The following SAMMSON variants were observed in gnomAD, a reference collection of about 807,000 sequenced individuals.
SAMMSON encodes the protein long intergenic non-protein coding RNA 1212.
intron 3 of SAMMSON, among the ~76,000 whole-genome samples, chr3:70,061,188 A>C (rs1250489722): frequency 6.6e-6 from 1 of 151,998 alleles, no homozygotes. Context: ...GATTTGGGGG[A>C]GAAAAATGAA....
intron 4 of SAMMSON, among the ~76,000 whole-genome samples, chr3:70,237,460 C>T (rs193045966): frequency 2.0e-5 from 3 of 152,308 alleles, no homozygotes; most frequent in East Asian, 1.9e-4. Flanking sequence ...TTCAGTGAAA[C>T]GTCTGCTTAT....
At chr3:70,359,158 A>T (rs1281382701) in intron 9 of SAMMSON, among the ~76,000 whole-genome samples, 3 of 152,090 alleles carry the variant, frequency 2.0e-5, no homozygotes, top group African/African-American at 7.2e-5. Context: ...TTCTTGCTTG[A>T]CTGCCCTCTG....
chr3:70,356,337 T>C (rs1277809192), intron 8 of SAMMSON, among the ~76,000 whole-genome samples: 1 of 152,208 alleles, frequency 6.6e-6, no homozygotes, highest in Non-Finnish European at 1.5e-5. Context: ...CATATGTTTT[T>C]CTAGTTTTCT....
At chr3:70,359,308 A>G (rs551296255) in intron 9 of SAMMSON, among the ~76,000 whole-genome samples, 1 of 152,296 alleles carries the variant, frequency 6.6e-6, no homozygotes, top group East Asian at 1.9e-4. Flanking sequence ...AAACTGAGTT[A>G]AGCATTAAAT....
intron 6 of SAMMSON, among the ~76,000 whole-genome samples, chr3:70,263,686 G>A (rs769180757): frequency 6.6e-6 from 1 of 152,040 alleles, no homozygotes; most frequent in Non-Finnish European, 1.5e-5. Flanking sequence ...TTTATCTACC[G>A]AGCTCCCTTC....
At chr3:70,086,343 T>C (rs2067285552) in intron 4 of SAMMSON, among the ~76,000 whole-genome samples, 3 of 152,214 alleles carry the variant, frequency 2.0e-5, no homozygotes, top group Non-Finnish European at 4.4e-5. Flanking sequence ...TTTTCCCTCA[T>C]TTTAACCAAG....
At chr3:70,015,302 C>A (rs1003352497) in intron 3 of SAMMSON, 69 of 151,640 alleles carry the variant, frequency 4.6e-4, no homozygotes, top group African/African-American at 1.5e-3. Context: ...AACCAACAAA[C>A]AAACAAACAA....
At chr3:70,185,595 T>C (rs569861361) in intron 4 of SAMMSON, among the ~76,000 whole-genome samples, 1 of 152,140 alleles carries the variant, frequency 6.6e-6, no homozygotes, top group Non-Finnish European at 1.5e-5. Flanking sequence ...AGAAATTCCC[T>C]TTTCACAATA....
At chr3:70,029,220 T>A (rs1450343108) in intron 3 of SAMMSON, among the ~76,000 whole-genome samples, 1 of 148,726 alleles carries the variant, frequency 6.7e-6, no homozygotes, top group Non-Finnish European at 1.5e-5. Context: ...GTCCTTCTTT[T>A]CAGCCAGACA....
Position 70,334,817 on chromosome 3 carries a change from T to G in SAMMSON, n.740-19358T>G, listed in dbSNP as rs1702649465. On this transcript the variant is annotated intron_variant and non_coding_transcript_variant, in intron 7 of 9. Coordinates refer to ENST00000642114, the Ensembl canonical transcript of SAMMSON. ...TTAAACCTTAACTACTATACTGAAC[T>G]ATCTCTTTAGCTCATCTCAATTCCC... 3.9e-5 allele frequency among the ~76,000 whole-genome samples: 6 copies of G among 152,252 alleles called. No individual in the cohort carries two copies. The South Asian group carries it at 1.2e-3, about 32-fold the overall frequency.
intron 7 of SAMMSON, among the ~76,000 whole-genome samples, chr3:70,328,916 G>T (rs1408080167): frequency 6.6e-6 from 1 of 152,068 alleles, no homozygotes; most frequent in African/African-American, 2.4e-5. Flanking sequence ...AATCTTAAAA[G>T]TAACTTGAGA....
intron 7 of SAMMSON, among the ~76,000 whole-genome samples, chr3:70,342,635 G>A (rs1355141401): frequency 6.6e-6 from 1 of 152,122 alleles, no homozygotes; most frequent in Non-Finnish European, 1.5e-5. Context: ...TAGGAATTCT[G>A]CTGAAGCATA....
chr3:70,102,215 T>G (rs1315311350), intron 4 of SAMMSON, among the ~76,000 whole-genome samples: 1 of 152,142 alleles, frequency 6.6e-6, no homozygotes, highest in Non-Finnish European at 1.5e-5. Context: ...AATTTCATCT[T>G]TTTCTCCTCT....
chr3:70,053,121 A>T (rs2067152371), intron 3 of SAMMSON, among the ~76,000 whole-genome samples: 1 of 152,126 alleles, frequency 6.6e-6, no homozygotes, highest in African/African-American at 2.4e-5. Flanking sequence ...TATGCTTATC[A>T]TCCTTTTGGA....
At chr3:70,335,162 G>A (rs898072138) in intron 7 of SAMMSON, among the ~76,000 whole-genome samples, 1 of 151,952 alleles carries the variant, frequency 6.6e-6, no homozygotes, top group African/African-American at 2.4e-5. Flanking sequence ...TGACACATGA[G>A]CAGTGAATTA....
intron 7 of SAMMSON, among the ~76,000 whole-genome samples, chr3:70,302,416 C>T (rs67418210): frequency 0.095 from 14,468 of 152,046 alleles, 919 homozygotes; most frequent in East Asian, 0.36. Flanking sequence ...AATGGAATGT[C>T]CTTATTCCTG....
chr3:70,062,159 G>A (rs369397241), intron 3 of SAMMSON, among the ~76,000 whole-genome samples: 9 of 152,042 alleles, frequency 5.9e-5, no homozygotes, highest in Middle Eastern at 6.8e-3. Flanking sequence ...TGAGACACCC[G>A]CATGGCCCGT....
At chr3:70,308,364 A>G (rs1702422980) in intron 7 of SAMMSON, among the ~76,000 whole-genome samples, 1 of 152,154 alleles carries the variant, frequency 6.6e-6, no homozygotes, top group African/African-American at 2.4e-5. Context: ...GCAATGCTGC[A>G]TATTTTTAAA....
At chr3:70,088,866 T>G (rs1211481374) in intron 4 of SAMMSON, among the ~76,000 whole-genome samples, 2 of 152,142 alleles carry the variant, frequency 1.3e-5, no homozygotes, top group Non-Finnish European at 2.9e-5. Flanking sequence ...ATGTTATCCC[T>G]CAAGATCTCA....
Sources: gnomAD v4.1 joint callset for allele counts (sites outside exome capture counted in the v4.1 genomes callset) on GRCh38, gnomAD v4.1.1 for gene constraint, MANE v1.5 for transcripts, NCBI Gene and HGNC (gene_info 2026-07-23, HGNC 2026-07-21) for gene names.